The following NUMB variants were observed in gnomAD, a reference collection of about 807,000 sequenced individuals.
The protein encoded by NUMB is protein numb homolog.
A neutral mutation model predicts 59.7 loss-of-function variants in NUMB; 29 were observed. That is an observed-to-expected ratio of 0.49 (90% CI 0.36 to 0.66). NUMB has a LOEUF of 0.66. NUMB is among the 30% of genes least tolerant of loss of function. The pLI is 0.00. For missense variants in NUMB, 723 were observed against 822.0 expected, an observed-to-expected ratio of 0.88 and a Z score of 1.47; for synonymous variants, 288 against 288.2, an observed-to-expected ratio of 1.00 and a Z score of 0.01.
chr14:73,453,478 C>T (rs779996098), intron 1 of NUMB, among the ~76,000 whole-genome samples: 3 of 151,960 alleles, frequency 2.0e-5, no homozygotes, highest in East Asian at 1.9e-4. Context: ...CAATATTGTA[C>T]CTAGTATTTA....
chr14:73,306,092 C>T (rs1384519944), intron 6 of NUMB, among the ~76,000 whole-genome samples: 37 of 152,168 alleles, frequency 2.4e-4, no homozygotes, highest in Non-Finnish European at 7.3e-5. Context: ...GACAGAAACA[C>T]AACTTTCTTC....
intron 3 of NUMB, among the ~76,000 whole-genome samples, chr14:73,364,350 A>C (rs1251543567): frequency 1.3e-5 from 2 of 151,806 alleles, no homozygotes; most frequent in African/African-American, 2.4e-5. Flanking sequence ...CTAAAAGTAC[A>C]AAAATTAGCC....
chr14:73,345,762 GC>G (rs1441758948), intron 4 of NUMB, among the ~76,000 whole-genome samples: 1 of 151,900 alleles, frequency 6.6e-6, no homozygotes, highest in Non-Finnish European at 1.5e-5. Flanking sequence ...ACAAAAATTA[GC>G]CGGGCGTGGT....
At chr14:73,454,091 T>C (rs1036674704) in intron 1 of NUMB, among the ~76,000 whole-genome samples, 1 of 152,058 alleles carries the variant, frequency 6.6e-6, no homozygotes, top group East Asian at 1.9e-4. Context: ...TGAAGAACTA[T>C]TGGGTACTAT....
At chr14:73,348,787 G>T (rs1384203623) in intron 4 of NUMB, among the ~76,000 whole-genome samples, 1 of 152,156 alleles carries the variant, frequency 6.6e-6, no homozygotes, top group African/African-American at 2.4e-5. Flanking sequence ...GAATTACACT[G>T]AAAGATATCA....
At chr14:73,325,199 G>A (rs1040341963) in intron 4 of NUMB, among the ~76,000 whole-genome samples, 1 of 150,524 alleles carries the variant, frequency 6.6e-6, no homozygotes, top group African/African-American at 2.5e-5. Flanking sequence ...TGGGTATGGT[G>A]GCTCAAGCCT....
At chr14:73,296,894 G>A (rs1252936235) in intron 7 of NUMB, among the ~76,000 whole-genome samples, 3 of 152,054 alleles carry the variant, frequency 2.0e-5, no homozygotes, top group Non-Finnish European at 4.4e-5. Flanking sequence ...GAGGCCGGGC[G>A]CAGTGGCTCA....
intron 4 of NUMB, among the ~76,000 whole-genome samples, chr14:73,345,535 A>G (rs938101766): frequency 6.6e-6 from 1 of 152,190 alleles, no homozygotes; most frequent in Non-Finnish European, 1.5e-5. Context: ...TGGTCTCAGG[A>G]CTTAATTACA....
intron 4 of NUMB, among the ~76,000 whole-genome samples, chr14:73,347,567 AC>A (rs1196887589): frequency 2.6e-5 from 4 of 152,204 alleles, no homozygotes; most frequent in Non-Finnish European, 5.9e-5. Context: ...TCAGGATTGC[AC>A]TGCAAGTGCT....
intron 4 of NUMB, among the ~76,000 whole-genome samples, chr14:73,341,650 G>T (rs1210920242): frequency 6.6e-6 from 1 of 152,072 alleles, no homozygotes; most frequent in Non-Finnish European, 1.5e-5. Flanking sequence ...CGAACTTCTG[G>T]CATCAAACAA....
At chr14:73,286,346 A>G (rs1889003867) in intron 9 of NUMB, 1 of 151,864 alleles carries the variant, frequency 6.6e-6, no homozygotes, top group African/African-American at 2.4e-5. Context: ...CCTCAAAATT[A>G]TATTAATGTC....
chr14:73,407,055 C>T (rs1335436008), intron 2 of NUMB, among the ~76,000 whole-genome samples: 1 of 152,048 alleles, frequency 6.6e-6, no homozygotes, highest in Admixed American at 6.6e-5. Context: ...TTTGGCCAGG[C>T]TGGCCTCCAA....
chr14:73,278,979 C>T (rs1888409707), intron 12 of NUMB, among the ~76,000 whole-genome samples: 1 of 152,176 alleles, frequency 6.6e-6, no homozygotes, highest in Non-Finnish European at 1.5e-5. Context: ...CCACCTCAGC[C>T]TCCCAAAGTG....
chr14:73,375,500 A>T (rs1473478025), intron 2 of NUMB, among the ~76,000 whole-genome samples: 1 of 152,234 alleles, frequency 6.6e-6, no homozygotes, highest in African/African-American at 2.4e-5. Context: ...TATATAATGC[A>T]TATTAAATTC....
At chr14:73,400,548 T>C (rs1284545506) in intron 2 of NUMB, among the ~76,000 whole-genome samples, 1 of 152,146 alleles carries the variant, frequency 6.6e-6, no homozygotes, top group Non-Finnish European at 1.5e-5. Flanking sequence ...GAGTGATGAG[T>C]ATCTTTTACA....
intron 2 of NUMB, among the ~76,000 whole-genome samples, chr14:73,408,468 C>T (rs776156904): frequency 1.3e-5 from 2 of 150,912 alleles, no homozygotes; most frequent in Admixed American, 6.6e-5. Flanking sequence ...TTTGAACTAA[C>T]GTGTTCTTAA....
At chr14:73,355,139 C>T (rs537691470) in intron 4 of NUMB, among the ~76,000 whole-genome samples, 1 of 152,308 alleles carries the variant, frequency 6.6e-6, no homozygotes, top group Non-Finnish European at 1.5e-5. Context: ...TGAGTTTCCA[C>T]TTTCTGATCT....
At chr14:73,394,659 G>A (rs193145751) in intron 2 of NUMB, among the ~76,000 whole-genome samples, 4 of 152,192 alleles carry the variant, frequency 2.6e-5, no homozygotes, top group East Asian at 1.9e-4. Context: ...CATCCTAACC[G>A]AAACTTTGTA....
intron 2 of NUMB, chr14:73,409,469 A>G (rs893738663): frequency 6.6e-6 from 1 of 152,300 alleles, no homozygotes; most frequent in Admixed American, 6.6e-5. Context: ...GAGCAAGCCT[A>G]CCTTCAAAGG....
Sources: gnomAD v4.1 joint callset for allele counts (sites outside exome capture counted in the v4.1 genomes callset) on GRCh38, gnomAD v4.1.1 for gene constraint, MANE v1.5 for transcripts, NCBI Gene and HGNC (gene_info 2026-07-23, HGNC 2026-07-21) for gene names.